Variants in SPATA31C1 observed in about 807,000 individuals in gnomAD.
SPATA31C1 encodes the protein SPATA31 subfamily C member 1, also known as spermatogenesis-associated protein 31C1.
At chr9:87,916,202 A>G (rs895491328) in intron 1 of SPATA31C1, among the ~76,000 whole-genome samples, 1 of 140,938 alleles carries the variant, frequency 7.1e-6, no homozygotes, top group South Asian at 2.4e-4. Flanking sequence ...AAGAAAACCA[A>G]TTAGATACCA....
exon 5 of SPATA31C1, chr9:87,920,535 C>T: frequency 1.9e-6 from 3 of 1,613,870 alleles, no homozygotes; most frequent in Non-Finnish European, 2.5e-6. Context: ...ACGCCCCTCA[C>T]CCGAGCCACC....
exon 5 of SPATA31C1, chr9:87,920,791 C>A (rs371544338): frequency 1.2e-6 from 2 of 1,613,904 alleles, no homozygotes; most frequent in Non-Finnish European, 1.7e-6. Context: ...CTCTCCTGGT[C>A]GCAGGAGACT....
rs1280448684 is a variant in SPATA31C1 at position 87,915,452 on chromosome 9, C to T, written n.189+742C>T. ...TGAGTAGCTGGGGATTACAGGCGCC[C>T]GCCACCACGCCTGGCTAATTTTCGT... On this transcript the variant is annotated intron_variant and non_coding_transcript_variant, in intron 1 of 4. Transcript: ENST00000420021. Among the ~76,000 whole-genome samples, 3 of 144,886 alleles carry T rather than the reference C, an allele frequency of 2.1e-5. 1 individual carries two copies. The highest frequency in any genetic ancestry group is 3.1e-5 in the Non-Finnish European group (2 of 65,292).
chr9:87,919,391 C>A (rs1299858749), intron 3 of SPATA31C1, 43 bp downstream of exon 2: 1 of 1,598,850 alleles, frequency 6.3e-7, no homozygotes, highest in South Asian at 1.1e-5. Context: ...TTGATCTCAT[C>A]TGTCCGGGAG....
chr9:87,922,645 C>T lies in SPATA31C1; in HGVS notation n.3035C>T, dbSNP rs598475. On this transcript the variant is annotated non_coding_transcript_exon_variant, in exon 5 of 5. Transcript: ENST00000420021. ...GTGCCCCAGGGCCATCTCCAGAGCA[C>T]GCCTACTGGGAACATGCAGGCTTCC... 4.8e-4 allele frequency: 767 copies of T among 1,607,106 alleles called. 4 individuals are homozygous for T. Among genetic ancestry groups the T allele is most frequent in the Non-Finnish European group, 5.5e-4 (647 of 1,176,166 alleles).
exon 5 of SPATA31C1, chr9:87,922,168 T>G (rs1828892675): frequency 1.9e-6 from 3 of 1,613,206 alleles, no homozygotes; most frequent in South Asian, 1.1e-5. Flanking sequence ...CCGCGAGGGA[T>G]CCCATCTTCA....
exon 5 of SPATA31C1, chr9:87,920,710 C>T: frequency 6.2e-7 from 1 of 1,613,980 alleles, no homozygotes; most frequent in Non-Finnish European, 8.5e-7. Context: ...AGCTTGTCTC[C>T]ACGTGAGGAT....
chr9:87,921,174 C>T (rs746236836), exon 5 of SPATA31C1: 15 of 1,611,746 alleles, frequency 9.3e-6, no homozygotes, highest in African/African-American at 1.3e-5. Context: ...CTCTAGGGTC[C>T]AAAAATCTCA....
exon 5 of SPATA31C1, chr9:87,921,602 AG>A: frequency 6.2e-7 from 1 of 1,612,058 alleles, no homozygotes; most frequent in Non-Finnish European, 8.5e-7. Context: ...GGAGTGACTC[AG>A]GAAGTGATTT....
At chr9:87,919,168 G>A (rs1264039254) in intron 2 of SPATA31C1, 87 bp from the exon 2 acceptor site, 3 of 1,573,384 alleles carry the variant, frequency 1.9e-6, no homozygotes, top group Non-Finnish European at 2.6e-6. Context: ...GACAGACAGA[G>A]CCATGCGGTT....
exon 5 of SPATA31C1, chr9:87,922,100 T>C (rs1828890400): frequency 1.2e-5 from 19 of 1,613,964 alleles, no homozygotes; most frequent in Non-Finnish European, 1.6e-5. Context: ...AACCATCTGT[T>C]CACATGCCAG....
chr9:87,922,635 C>T, exon 5 of SPATA31C1: 1 of 1,608,874 alleles, frequency 6.2e-7, no homozygotes, highest in Non-Finnish European at 8.5e-7. Flanking sequence ...CCAGGGCCAT[C>T]TCCAGAGCAC....
At chr9:87,920,548 C>T (rs2117991304) in exon 5 of SPATA31C1, 1 of 1,613,818 alleles carries the variant, frequency 6.2e-7, no homozygotes, top group Non-Finnish European at 8.5e-7. Flanking sequence ...GAGCCACCTG[C>T]ACTTTTCCCT....
At chr9:87,921,163 C>A (rs147060168) in exon 5 of SPATA31C1, 1 of 1,611,804 alleles carries the variant, frequency 6.2e-7, no homozygotes, top group East Asian at 2.2e-5. Flanking sequence ...TTGGCTTTAC[C>A]CTCTAGGGTC....
chr9:87,922,588 T>C lies in SPATA31C1; in HGVS notation n.2978T>C, dbSNP rs758028182. The C allele has an allele frequency of 3.7e-6, 6 of 1,609,258 alleles. No homozygotes were observed. In the African/African-American group the frequency reaches 6.7e-5, roughly 18 times the overall value. On this transcript the variant is annotated non_coding_transcript_exon_variant, in exon 5 of 5. Coordinates refer to ENST00000420021, the Ensembl canonical transcript of SPATA31C1. ...CTTCCAGATGGGCAAGCATCTGTTG[T>C]GCCCCATGCTTCAGAGAATTTGGCT...
chr9:87,922,203 C>G (rs1297343332), exon 5 of SPATA31C1: 1 of 1,613,288 alleles, frequency 6.2e-7, no homozygotes, highest in Non-Finnish European at 8.5e-7. Flanking sequence ...CTTGAAGGCT[C>G]CTACAGCTGG....
intron 1 of SPATA31C1, among the ~76,000 whole-genome samples, chr9:87,916,336 A>T (rs1325554727): frequency 6.8e-5 from 10 of 146,962 alleles, no homozygotes; most frequent in Non-Finnish European, 1.4e-4. Context: ...CTTGATGAAT[A>T]ATTATTAGAC....
chr9:87,920,655 T>C, exon 5 of SPATA31C1: 2 of 1,613,886 alleles, frequency 1.2e-6, no homozygotes, highest in Non-Finnish European at 1.7e-6. Context: ...GTTAACACCA[T>C]CTCACTGTGA....
chr9:87,915,688 A>G (rs1828700672), intron 1 of SPATA31C1, among the ~76,000 whole-genome samples: 1 of 143,266 alleles, frequency 7.0e-6, no homozygotes, highest in Admixed American at 6.9e-5. Flanking sequence ...CCACTGTACT[A>G]TTGAACTGAT....
Sources: gnomAD v4.1 joint callset for allele counts (sites outside exome capture counted in the v4.1 genomes callset) on GRCh38, gnomAD v4.1.1 for gene constraint, MANE v1.5 for transcripts, NCBI Gene and HGNC (gene_info 2026-07-23, HGNC 2026-07-21) for gene names.